ETV6: variants seen among roughly 807,000 people sequenced by gnomAD.
ETV6 encodes ETS variant transcription factor 6, also known as transcription factor ETV6.
ETV6 carries 16 observed loss-of-function variants against 51.1 expected under a neutral mutation model. That is an observed-to-expected ratio of 0.31 (90% CI 0.21 to 0.48). ETV6 has a LOEUF of 0.48. Ranked by LOEUF, ETV6 falls within the 20% of genes least tolerant of loss-of-function variation. The probability of loss-of-function intolerance (pLI) is 0.99; values close to 1 mark genes in which losing one functional copy is unlikely to be tolerated. For missense variants in ETV6, 458 were observed against 594.8 expected (o/e 0.77, Z 2.39); for synonymous variants, 240 against 224.1 (o/e 1.07, Z -0.64).
chr12:11,802,551 G>A (rs1945765938), intron 2 of ETV6, among the ~76,000 whole-genome samples: 1 of 152,156 alleles, frequency 6.6e-6, no homozygotes, highest in East Asian at 1.9e-4. Flanking sequence ...ATTAATCCTT[G>A]TCATTGTCAG....
intron 1 of ETV6, among the ~76,000 whole-genome samples, chr12:11,651,882 T>C (rs889750200): frequency 1.3e-5 from 2 of 152,196 alleles, no homozygotes; most frequent in Non-Finnish European, 2.9e-5. Flanking sequence ...CTTGATCCTC[T>C]TCTATACTGC....
At chr12:11,856,595 A>G (rs10772508) in intron 4 of ETV6, among the ~76,000 whole-genome samples, 45,541 of 151,958 alleles carry the variant, frequency 0.3, 6,896 homozygotes, top group Admixed American at 0.35. Context: ...TTTCAGCTAT[A>G]TGGTGCCCTT....
intron 2 of ETV6, among the ~76,000 whole-genome samples, chr12:11,781,353 TG>T (rs1945411272): frequency 6.6e-6 from 1 of 152,186 alleles, no homozygotes; most frequent in South Asian, 2.1e-4. Context: ...CGTTCTTGGA[TG>T]GTGCTAGATG....
At chr12:11,658,739 A>G (rs2120631251) in intron 1 of ETV6, among the ~76,000 whole-genome samples, 1 of 152,370 alleles carries the variant, frequency 6.6e-6, no homozygotes, top group South Asian at 2.1e-4. Context: ...ACAAGCCTCA[A>G]CAATAGGAGA....
At chr12:11,668,659 C>T (rs976085051) in intron 1 of ETV6, among the ~76,000 whole-genome samples, 14 of 152,278 alleles carry the variant, frequency 9.2e-5, no homozygotes, top group Admixed American at 8.5e-4. Flanking sequence ...TTTCTTTCTT[C>T]TGGATGAAAG....
chr12:11,709,923 G>A (rs1436916893), intron 1 of ETV6, among the ~76,000 whole-genome samples: 1 of 152,150 alleles, frequency 6.6e-6, no homozygotes, highest in African/African-American at 2.4e-5. Context: ...ATCTGTGTGT[G>A]TGTATGCATT....
intron 6 of ETV6, among the ~76,000 whole-genome samples, 180 bp from the exon 7 acceptor site, chr12:11,885,746 T>TAAAGGGTGGGC (rs1225351556): frequency 6.6e-6 from 1 of 152,162 alleles, no homozygotes. Flanking sequence ...TATAAAAAGC[T>TAAAGGGTGGGC]AAAGGGTGGG....
intron 2 of ETV6, among the ~76,000 whole-genome samples, chr12:11,782,918 T>C (rs753916996): frequency 6.6e-6 from 1 of 152,112 alleles, no homozygotes; most frequent in Non-Finnish European, 1.5e-5. Context: ...ATGACTAGGG[T>C]ATGCCATGCT....
At chr12:11,855,067 G>A (rs1414438928) in intron 4 of ETV6, among the ~76,000 whole-genome samples, 6 of 151,640 alleles carry the variant, frequency 4.0e-5, no homozygotes, top group South Asian at 4.2e-4. Flanking sequence ...AGGCCGAGGC[G>A]GGCGGATCAC....
At chr12:11,689,843 C>G (rs1864718848) in intron 1 of ETV6, among the ~76,000 whole-genome samples, 1 of 120,666 alleles carries the variant, frequency 8.3e-6, no homozygotes, top group Non-Finnish European at 1.6e-5. Context: ...GTCTTTTTCT[C>G]TGACATCTGC....
At chr12:11,753,539 G>A (rs1331016180) in intron 2 of ETV6, among the ~76,000 whole-genome samples, 1 of 152,186 alleles carries the variant, frequency 6.6e-6, no homozygotes, top group African/African-American at 2.4e-5. Context: ...TTAAATGGTG[G>A]CACAGTCTTG....
At chr12:11,748,010 G>C (rs1265635540) in intron 1 of ETV6, among the ~76,000 whole-genome samples, 1 of 152,212 alleles carries the variant, frequency 6.6e-6, no homozygotes, top group Non-Finnish European at 1.5e-5. Flanking sequence ...GCTTTCTCAG[G>C]CAGCTTTTCT....
At chr12:11,787,387 C>T (rs1945503360) in intron 2 of ETV6, among the ~76,000 whole-genome samples, 1 of 152,078 alleles carries the variant, frequency 6.6e-6, no homozygotes, top group South Asian at 2.1e-4. Context: ...GTGAATATTT[C>T]ATTAATTTAT....
chr12:11,695,086 G>A (rs370919745), intron 1 of ETV6, among the ~76,000 whole-genome samples: 2 of 152,234 alleles, frequency 1.3e-5, no homozygotes, highest in South Asian at 2.1e-4. Flanking sequence ...TGGCATTTTC[G>A]TGCATGTGAG....
At chr12:11,762,601 G>T (rs953392044) in intron 2 of ETV6, among the ~76,000 whole-genome samples, 6 of 152,204 alleles carry the variant, frequency 3.9e-5, no homozygotes, top group Non-Finnish European at 7.3e-5. Flanking sequence ...AAGGCTTTCA[G>T]CTTCTAAAGT....
intron 2 of ETV6, among the ~76,000 whole-genome samples, chr12:11,768,127 CT>C (rs111944987): frequency 2.5e-3 from 366 of 145,762 alleles, no homozygotes; most frequent in Non-Finnish European, 2.7e-3. Context: ...TAATTTGATT[CT>C]TTTTTTTTTT....
intron 4 of ETV6, among the ~76,000 whole-genome samples, chr12:11,857,750 G>GTCC (rs1411754671): frequency 6.6e-6 from 1 of 152,110 alleles, no homozygotes; most frequent in Non-Finnish European, 1.5e-5. Flanking sequence ...GGGAAACCAG[G>GTCC]TCCTAACCCT....
chr12:11,845,986 C>T (rs1476174764), intron 3 of ETV6, among the ~76,000 whole-genome samples: 3 of 136,180 alleles, frequency 2.2e-5, no homozygotes, highest in Non-Finnish European at 4.7e-5. Context: ...AGTGAGACTC[C>T]GTCTCAAAAA....
chr12:11,787,647 T>C (rs570066975), intron 2 of ETV6, among the ~76,000 whole-genome samples: 6 of 152,282 alleles, frequency 3.9e-5, no homozygotes, highest in African/African-American at 1.4e-4. Context: ...AGGCCATTTG[T>C]TCAAGATCAC....
Sources: gnomAD v4.1 joint callset for allele counts (sites outside exome capture counted in the v4.1 genomes callset) on GRCh38, gnomAD v4.1.1 for gene constraint, MANE v1.5 for transcripts, NCBI Gene and HGNC (gene_info 2026-07-23, HGNC 2026-07-21) for gene names.